The following SKIC3 variants were observed in gnomAD, a reference collection of about 807,000 sequenced individuals.
The protein encoded by SKIC3 is SKI3 subunit of superkiller complex.
At chr5:95,528,630 A>G in the SKIC3 span, among the ~76,000 whole-genome samples, 3 of 152,070 alleles carry the variant, frequency 2.0e-5, no homozygotes, top group African/African-American at 7.2e-5. Flanking sequence ...ACCCTGTCAC[A>G]TTCAAATAGG....
At chr5:95,517,978 T>A in the SKIC3 span, among the ~76,000 whole-genome samples, 1 of 152,100 alleles carries the variant, frequency 6.6e-6, no homozygotes, top group Non-Finnish European at 1.5e-5. Context: ...CATTCTGCCC[T>A]TCTGCCATAG....
the SKIC3 span, chr5:95,494,860 A>C: frequency 6.3e-7 from 1 of 1,596,706 alleles, no homozygotes; most frequent in Non-Finnish European, 8.6e-7. Context: ...TGACTAAAAG[A>C]CTCTATTTGA....
the SKIC3 span, chr5:95,528,046 G>C: frequency 3.7e-6 from 6 of 1,613,740 alleles, no homozygotes; most frequent in Non-Finnish European, 5.1e-6. Context: ...CCTCTGAAGA[G>C]TCATAATCTG....
chr5:95,492,699 T>TAAAAAAAA, the SKIC3 span, among the ~76,000 whole-genome samples: 5 of 68,434 alleles, frequency 7.3e-5, no homozygotes, highest in Non-Finnish European at 1.0e-4. Flanking sequence ...ACAAGACAAC[T>TAAAAAAAA]AAACTAGATA....
chr5:95,537,426 T>A, the SKIC3 span, among the ~76,000 whole-genome samples: 1 of 152,210 alleles, frequency 6.6e-6, no homozygotes, highest in African/African-American at 2.4e-5. Context: ...TACAAAGTAG[T>A]CAACCAGAGT....
the SKIC3 span, among the ~76,000 whole-genome samples, chr5:95,481,561 T>C: frequency 6.6e-6 from 1 of 152,180 alleles, no homozygotes; most frequent in African/African-American, 2.4e-5. Context: ...AGTTTGACAA[T>C]GTATTTCTCC....
chr5:95,492,683 A>AAAAAAAAAAAAAAAAAT, the SKIC3 span, among the ~76,000 whole-genome samples: 1 of 142,234 alleles, frequency 7.0e-6, no homozygotes, highest in Non-Finnish European at 1.5e-5. Flanking sequence ...AAAAAAAAAA[A>AAAAAAAAAAAAAAAAAT]AAAAAACAAG....
At chr5:95,468,448 T>C in the SKIC3 span, among the ~76,000 whole-genome samples, 1 of 152,188 alleles carries the variant, frequency 6.6e-6, no homozygotes, top group Admixed American at 6.5e-5. Context: ...CATTACAGGC[T>C]ATGTATATCA....
At chr5:95,465,937 C>T in the SKIC3 span, among the ~76,000 whole-genome samples, 38,442 of 152,096 alleles carry the variant, frequency 0.25, 6,592 homozygotes, top group African/African-American at 0.48. Flanking sequence ...AAGAGATCCA[C>T]GGCGAACTGT....
chr5:95,517,026 A>G, the SKIC3 span: 4 of 1,613,650 alleles, frequency 2.5e-6, no homozygotes. Flanking sequence ...CATGTATTAG[A>G]TGTAGACATC....
the SKIC3 span, among the ~76,000 whole-genome samples, chr5:95,471,999 T>C: frequency 2.6e-5 from 4 of 152,214 alleles, no homozygotes; most frequent in Non-Finnish European, 1.5e-5. Flanking sequence ...AGAGGCTGCA[T>C]GCCCATGAAG....
At chr5:95,496,104 G>A in the SKIC3 span, among the ~76,000 whole-genome samples, 1,623 of 151,032 alleles carry the variant, frequency 0.011, 28 homozygotes, top group African/African-American at 0.036. Flanking sequence ...TGCAACCTCC[G>A]CCTCCCGGGT....
chr5:95,529,956 G>A, the SKIC3 span: 1 of 1,049,956 alleles, frequency 9.5e-7, no homozygotes, highest in Non-Finnish European at 1.4e-6. Context: ...CCTAAGCAGA[G>A]TCCAAGGTAT....
chr5:95,520,721 A>T, the SKIC3 span: 3 of 1,607,702 alleles, frequency 1.9e-6, no homozygotes, highest in Non-Finnish European at 2.6e-6. Flanking sequence ...CGAACCAAGT[A>T]AAATATTCCA....
At chr5:95,502,738 T>C in the SKIC3 span, 1 of 960,352 alleles carries the variant, frequency 1.0e-6, no homozygotes. Flanking sequence ...CACCTGTGAC[T>C]ATCAATTCAG....
At chr5:95,525,393 C>T in the SKIC3 span, 41 of 1,613,048 alleles carry the variant, frequency 2.5e-5, no homozygotes, top group Non-Finnish European at 3.4e-5. Flanking sequence ...TTTATATATC[C>T]TTACCATTTT....
the SKIC3 span, chr5:95,541,322 C>G: frequency 6.2e-7 from 1 of 1,613,772 alleles, no homozygotes; most frequent in South Asian, 1.1e-5. Context: ...TGTTTCTTTT[C>G]TTGGTAATAT....
chr5:95,503,921 T>A, the SKIC3 span: 5 of 1,613,998 alleles, frequency 3.1e-6, no homozygotes, highest in Admixed American at 8.3e-5. Context: ...GATAGCTTTA[T>A]CATATTCACC....
At chr5:95,512,581 G>A in the SKIC3 span, 1 of 1,613,916 alleles carries the variant, frequency 6.2e-7, no homozygotes, top group Non-Finnish European at 8.5e-7. Context: ...TTGCAATGTT[G>A]TGCAGACCCA....
Sources: gnomAD v4.1 joint callset for allele counts (sites outside exome capture counted in the v4.1 genomes callset) on GRCh38, gnomAD v4.1.1 for gene constraint, MANE v1.5 for transcripts, NCBI Gene and HGNC (gene_info 2026-07-23, HGNC 2026-07-21) for gene names.